SYNE3: variants seen among roughly 807,000 people sequenced by gnomAD.
SYNE3 encodes the protein spectrin repeat containing nuclear envelope family member 3.
SYNE3 carries 100 observed loss-of-function variants against 111.2 expected under a neutral mutation model. The observed-to-expected ratio is 0.90, with a 90% CI of 0.77 to 1.06. The LOEUF (loss-of-function observed/expected upper bound fraction) is 1.06. Among genes scored for constraint, SYNE3 ranks in the 50% least tolerant of loss-of-function variants. The pLI is 0.00. For missense variants in SYNE3, 1,160 were observed against 1,240.3 expected (o/e 0.94, Z 0.97); for synonymous variants, 547 against 533.9 (o/e 1.02, Z -0.34).
At chr14:95,478,735 A>G (rs1889043050) in intron 1 of SYNE3, among the ~76,000 whole-genome samples, 2 of 152,220 alleles carry the variant, frequency 1.3e-5, no homozygotes, top group South Asian at 2.1e-4. Flanking sequence ...TCTCTGTTGC[A>G]TAGTCTCCCT....
chr14:95,490,611 A>G (rs1476208308), intron 1 of SYNE3, among the ~76,000 whole-genome samples: 1 of 152,258 alleles, frequency 6.6e-6, no homozygotes, highest in Non-Finnish European at 1.5e-5. Flanking sequence ...ACAAGTGTCC[A>G]GCAAGCCCCT....
At chr14:95,437,007 G>C in intron 14 of SYNE3, 26 bp from the exon 15 acceptor site, 1 of 1,613,738 alleles carries the variant, frequency 6.2e-7, no homozygotes, top group Non-Finnish European at 8.5e-7. Context: ...CGGCCAAAGC[G>C]TCAGAGGTGA....
rs1476208502 is a variant in SYNE3 at position 95,446,080 on chromosome 14, C to T, written c.1461G>A (p.Met487Ile). ...GCAGCTCTTTCAGGCGGGAGCTTTC[C>T]ATCAGGGCTGCCTGTGGGAGACAAG... ...TFLPQIEAAL[M>I]ESSRLKELLT... Residue 487 changes from methionine (M) to isoleucine (I), a missense_variant, in exon 9 of 18, where the codon ATG becomes ATA. Physicochemically the swap from Met to Ile is conservative, Grantham distance 10. Coordinates refer to ENST00000682763, the MANE Select transcript of SYNE3 (RefSeq NM_152592.6). 1.9e-6 allele frequency: 3 copies of T among 1,614,064 alleles called. No homozygotes were observed. The East Asian group carries it at 6.7e-5, about 36-fold the overall frequency.
chr14:95,475,715 G>A lies in SYNE3; in HGVS notation c.107C>T (p.Pro36Leu). 1.9e-6 allele frequency: 3 copies of A among 1,601,202 alleles called. No homozygotes were observed. The highest frequency in any genetic ancestry group is 2.3e-5 in the East Asian group (1 of 44,104). Residue 36 changes from proline (P) to leucine (L), a missense_variant, in exon 2 of 18, where the codon CCC becomes CTC. By Grantham distance (98) the Pro-to-Leu change is moderately conservative. Transcript: ENST00000682763. ...QLQVNDNTQG[P>L]RAALEARLWE... Reference sequence around the variant, plus strand: ...CAGCCTGGCCTCCAGGGCCGCGCGGGGTCCCTGCGTGTTGTCATTGACCTG... The same window carrying A: ...CAGCCTGGCCTCCAGGGCCGCGCGGAGTCCCTGCGTGTTGTCATTGACCTG...
At chr14:95,510,701 T>C (rs892889164) in intron 1 of SYNE3, among the ~76,000 whole-genome samples, 1 of 152,064 alleles carries the variant, frequency 6.6e-6, no homozygotes, top group South Asian at 2.1e-4. Context: ...GGCAGGAGAA[T>C]TGCTTGAACC....
intron 4 of SYNE3, among the ~76,000 whole-genome samples, chr14:95,460,064 T>C (rs911923712): frequency 1.3e-5 from 2 of 152,004 alleles, no homozygotes; most frequent in Non-Finnish European, 2.9e-5. Context: ...ACCACTGCAC[T>C]CCAGCCTACC....
chr14:95,475,797 A>G lies in SYNE3; in HGVS notation c.25T>C (p.Phe9Leu). 2 of 1,586,028 alleles carry G rather than the reference A, an allele frequency of 1.3e-6. No homozygotes were observed. Among genetic ancestry groups the G allele is most frequent in the Non-Finnish European group, 1.7e-6 (2 of 1,168,090 alleles). ...TGGGCATCCTCCACGCTCCTGTCAAAGTCGTCCTGGGGCTGCTGAGTCATG... is the reference window on the plus strand; with the variant it reads ...TGGGCATCCTCCACGCTCCTGTCAAGGTCGTCCTGGGGCTGCTGAGTCATG... MTQQPQDD[F>L]DRSVEDAQAW... The change falls in exon 2 of 18, where the codon TTT becomes CTT. Residue 9 changes from phenylalanine (F) to leucine (L), a missense_variant. Transcript: ENST00000682763.
At position 95,416,043 on chromosome 14, in the gene SYNE3, T is replaced by C. The variant is rs1029228086; in HGVS notation, c.*1783A>G. On this transcript the variant is annotated 3_prime_UTR_variant, in exon 18 of 18. Transcript: ENST00000682763. ...TAATAATAACTCAGAGCCAGGCTTG[T>C]GGATGGAAATATAGTGCCCAAGTCA... 3 of 152,016 alleles carry C rather than the reference T, an allele frequency of 2.0e-5. No individual in the cohort carries two copies. Among genetic ancestry groups the C allele is most frequent in the African/African-American group, 7.3e-5 (3 of 41,378 alleles). 9.4% of individuals were successfully genotyped at this position (152,016 alleles called of 1,614,324 possible). A position where few individuals can be genotyped will look rare whatever the true frequency, so the allele number is the denominator to read the frequency against.
chr14:95,475,710 C>A lies in SYNE3; in HGVS notation c.112G>T (p.Ala38Ser), dbSNP rs756600087. ...QVNDNTQGPR[A>S]ALEARLWETE... The stretch of plus-strand genomic sequence containing the variant: ...TCCCACAGCCTGGCCTCCAGGGCCG[C>A]GCGGGGTCCCTGCGTGTTGTCATTG... The change falls in exon 2 of 18, where the codon GCG becomes TCG. Residue 38 changes from alanine (A) to serine (S), a missense_variant. Ala to Ser is a moderately conservative substitution (Grantham distance 99). Transcript: ENST00000682763. 3 of 1,597,718 alleles carry A rather than the reference C, an allele frequency of 1.9e-6. No homozygotes were observed. In the African/African-American group the frequency reaches 4.0e-5, roughly 21 times the overall value.
At chr14:95,496,848 G>A (rs1471256737) in intron 1 of SYNE3, among the ~76,000 whole-genome samples, 2 of 152,172 alleles carry the variant, frequency 1.3e-5, no homozygotes, top group African/African-American at 4.8e-5. Flanking sequence ...AGCAAGCTGT[G>A]GAGTCTTCCA....
In SYNE3 at chr14:95,485,165, T is replaced by C. The variant is rs1889477968; in HGVS notation, c.-14-9330A>G. Among the ~76,000 whole-genome samples the C allele has an allele frequency of 6.6e-6, 1 of 152,138 alleles. No homozygotes were observed. The highest frequency in any genetic ancestry group is 6.5e-5 in the Admixed American group (1 of 15,274). On this transcript the variant is annotated intron_variant, in intron 1 of 17. Transcript: ENST00000682763. This position sits in a 1 kb window ranked among gnomAD's most constrained non-coding sequence, Gnocchi z 4.3. ...ATTCATCCACACGGTGGGAGGGCGG[T>C]TGGGGCTGGGTCCTATTAGCTTTGA...
rs1330967389 is a variant in SYNE3, at chr14:95,455,656, G to T, written c.858C>A (p.Val286=). Residue 286 remains valine (V), a synonymous_variant, in exon 6 of 18, where the codon GTC becomes GTA. Transcript: ENST00000682763. Reference sequence around the variant, plus strand: ...CACCCAAAGGAGAGGTGTTCCGAATGACACCCGCAGACTGCTCCTCCAGCG... The same window carrying T: ...CACCCAAAGGAGAGGTGTTCCGAATTACACCCGCAGACTGCTCCTCCAGCG... ...LETLEEQSAG[V]IRNTSPLGAE... is the part of the protein sequence containing the mutation. 6.2e-7 allele frequency: 1 copy of T among 1,614,208 alleles called. No individual in the cohort carries two copies. Among genetic ancestry groups the T allele is most frequent in the Admixed American group, 1.7e-5 (1 of 60,022 alleles).
intron 5 of SYNE3, 107 bp downstream of exon 5, chr14:95,457,070 G>C: frequency 2.1e-6 from 3 of 1,416,020 alleles, no homozygotes; most frequent in Non-Finnish European, 2.8e-6. Context: ...GAGCAACAGA[G>C]CAAGACTCCA....
intron 17 of SYNE3, chr14:95,429,832 C>G (rs888159351): frequency 3.0e-6 from 2 of 658,570 alleles, no homozygotes; most frequent in Admixed American, 1.3e-4. Flanking sequence ...CCCAGAGATT[C>G]CCACTGTGCT....
In SYNE3 at chr14:95,409,506, A is replaced by C; in HGVS notation, c.*8320T>G. 2.5e-6 allele frequency: 1 copy of C among 406,224 alleles called. No homozygotes were observed. The highest frequency in any genetic ancestry group is 4.9e-6 in the Non-Finnish European group (1 of 205,644). The allele number at this position is 406,224 out of a possible 1,614,324, so 25.2% of individuals were successfully genotyped here. On this transcript the variant is annotated 3_prime_UTR_variant, in exon 18 of 18. Transcript: ENST00000682763. ...TCGGGGGAAACCGAGGTCCCTCCTTATGATTGCTGTCTCTCGGCTGGACAA... is the reference window on the plus strand; with the variant it reads ...TCGGGGGAAACCGAGGTCCCTCCTTCTGATTGCTGTCTCTCGGCTGGACAA...
At chr14:95,458,703 G>A (rs1179171482) in intron 4 of SYNE3, among the ~76,000 whole-genome samples, 1 of 152,212 alleles carries the variant, frequency 6.6e-6, no homozygotes, top group African/African-American at 2.4e-5. Context: ...GGGGATCCAG[G>A]AGGTTCCTAG....
intron 17 of SYNE3, among the ~76,000 whole-genome samples, chr14:95,431,519 T>G (rs1379838537): frequency 6.6e-6 from 1 of 152,212 alleles, no homozygotes; most frequent in Non-Finnish European, 1.5e-5. Flanking sequence ...TTGTTGTCGT[T>G]ATTACTGCTG....
At position 95,470,726 on chromosome 14, in the gene SYNE3, G is replaced by A. The variant is rs1888477177; in HGVS notation, c.145-2759C>T. On this transcript the variant is annotated intron_variant, in intron 2 of 17. Transcript: ENST00000682763. The surrounding 1 kb of genome is among the most constrained non-coding windows in gnomAD (Gnocchi z 4.2). ...TGTAATCCCAACACTTTGGGAGGCC[G>A]AGGCGGACAGATCACGAGGTCAGGA... 5.9e-5 allele frequency among the ~76,000 whole-genome samples: 9 copies of A among 152,146 alleles called. No individual in the cohort carries two copies. The South Asian group carries it at 1.2e-3, about 21-fold the overall frequency.
intron 1 of SYNE3, among the ~76,000 whole-genome samples, chr14:95,506,647 C>T (rs558402504): frequency 6.6e-6 from 1 of 152,326 alleles, no homozygotes; most frequent in East Asian, 1.9e-4. Context: ...ACGTCCTCAG[C>T]TAAGGAGCAC....
Sources: allele counts gnomAD v4.1 joint callset (sites outside exome capture counted in the v4.1 genomes callset), GRCh38; gene constraint gnomAD v4.1.1; non-coding constraint Gnocchi (gnomAD v3.1); transcripts MANE v1.5; gene names NCBI Gene and HGNC (gene_info 2026-07-23, HGNC 2026-07-21).